The following PXDNL variants were observed in gnomAD, a reference collection of about 807,000 sequenced individuals.
PXDNL encodes peroxidasin like.
Under a neutral mutation model 150.8 loss-of-function variants are expected in PXDNL, and 145 were observed. The ratio of observed to expected loss-of-function variants is 0.96; its 90% CI spans 0.84 to 1.10. The LOEUF (loss-of-function observed/expected upper bound fraction) is 1.10, where lower values mean the gene tolerates loss of function less well. Among genes scored for constraint, PXDNL ranks in the 50% least tolerant of loss-of-function variants. The pLI is 0.00. For synonymous variants in PXDNL, 757 were observed against 725.7 expected (o/e 1.04, Z -0.69); for missense variants, 2,087 against 1,873.9 (o/e 1.11, Z -2.10).
chr8:51,548,642 G>T (rs1196269030), intron 4 of PXDNL, among the ~76,000 whole-genome samples: 1 of 152,040 alleles, frequency 6.6e-6, no homozygotes, highest in Non-Finnish European at 1.5e-5. Context: ...AATGCTGAGA[G>T]AATTCACCTC....
intron 4 of PXDNL, among the ~76,000 whole-genome samples, chr8:51,500,172 G>A (rs1475693886): frequency 1.3e-5 from 2 of 152,188 alleles, no homozygotes; most frequent in Non-Finnish European, 2.9e-5. Flanking sequence ...TTACATTTCA[G>A]AACAGGGAGA....
intron 1 of PXDNL, among the ~76,000 whole-genome samples, chr8:51,765,477 AACTG>A (rs1403638193): frequency 6.6e-6 from 1 of 152,172 alleles, no homozygotes; most frequent in Non-Finnish European, 1.5e-5. Flanking sequence ...GCAGCATGAA[AACTG>A]ACTAATACAA....
chr8:51,440,295 G>T (rs1477065984), intron 12 of PXDNL, among the ~76,000 whole-genome samples: 2 of 152,064 alleles, frequency 1.3e-5, no homozygotes, highest in Non-Finnish European at 2.9e-5. Flanking sequence ...TGGGAGGGTG[G>T]TGAGGGATGA....
At chr8:51,597,433 G>C (rs1330732118) in intron 2 of PXDNL, among the ~76,000 whole-genome samples, 1 of 152,064 alleles carries the variant, frequency 6.6e-6, no homozygotes, top group South Asian at 2.1e-4. Context: ...TTCCAATTCT[G>C]TGAAAAACTA....
intron 8 of PXDNL, among the ~76,000 whole-genome samples, chr8:51,470,739 A>C (rs1010813669): frequency 6.6e-6 from 1 of 152,198 alleles, no homozygotes; most frequent in Non-Finnish European, 1.5e-5. Context: ...TGGGAAAAGG[A>C]TTCTCTATTT....
intron 12 of PXDNL, among the ~76,000 whole-genome samples, chr8:51,427,767 C>A (rs561120171): frequency 6.6e-6 from 1 of 152,232 alleles, no homozygotes; most frequent in Non-Finnish European, 1.5e-5. Context: ...AGAACATATA[C>A]AAAAGCCCTA....
chr8:51,493,322 A>C (rs569293259), intron 5 of PXDNL, among the ~76,000 whole-genome samples: 79 of 127,140 alleles, frequency 6.2e-4, no homozygotes, highest in African/African-American at 3.1e-3. Context: ...TAAAACCACA[A>C]AGATGGGGAA....
At chr8:51,505,441 C>T (rs1811265043) in intron 4 of PXDNL, among the ~76,000 whole-genome samples, 1 of 152,162 alleles carries the variant, frequency 6.6e-6, no homozygotes, top group Non-Finnish European at 1.5e-5. Context: ...AAGGCAAGAG[C>T]AGAGATGGGG....
At chr8:51,761,515 C>T (rs372757319) in intron 1 of PXDNL, among the ~76,000 whole-genome samples, 277 of 152,136 alleles carry the variant, frequency 1.8e-3, no homozygotes, top group African/African-American at 6.0e-3. Context: ...TATGCCTCAC[C>T]GTATTTATGT....
At chr8:51,509,604 C>A (rs1375130910) in intron 4 of PXDNL, among the ~76,000 whole-genome samples, 2 of 151,892 alleles carry the variant, frequency 1.3e-5, no homozygotes, top group Non-Finnish European at 2.9e-5. Flanking sequence ...GACCACCAAG[C>A]CTTTGCTCAA....
intron 1 of PXDNL, among the ~76,000 whole-genome samples, chr8:51,719,461 T>A (rs931345312): frequency 6.6e-6 from 1 of 152,126 alleles, no homozygotes; most frequent in Non-Finnish European, 1.5e-5. Flanking sequence ...TTAAGAGTCA[T>A]CACCACTCCC....
chr8:51,685,328 A>G (rs1815850216), intron 1 of PXDNL, among the ~76,000 whole-genome samples: 1 of 152,180 alleles, frequency 6.6e-6, no homozygotes, highest in South Asian at 2.1e-4. Flanking sequence ...GGTCTGCCCC[A>G]CATAATACAG....
chr8:51,773,922 A>C (rs2037325724), intron 1 of PXDNL, among the ~76,000 whole-genome samples: 1 of 152,226 alleles, frequency 6.6e-6, no homozygotes, highest in Admixed American at 6.5e-5. Flanking sequence ...ATACTAGCTT[A>C]AACATTAGCA....
intron 1 of PXDNL, among the ~76,000 whole-genome samples, chr8:51,700,382 C>T (rs1023016386): frequency 8.6e-5 from 13 of 151,766 alleles, no homozygotes; most frequent in African/African-American, 3.1e-4. Context: ...TGTATAGACA[C>T]ATACACACAG....
intron 2 of PXDNL, among the ~76,000 whole-genome samples, chr8:51,630,183 G>A (rs1427854534): frequency 2.0e-5 from 3 of 152,108 alleles, no homozygotes; most frequent in African/African-American, 7.2e-5. Context: ...CAAGCAGTGG[G>A]AAATTACTTC....
At chr8:51,791,352 C>T (rs1026534123) in intron 1 of PXDNL, among the ~76,000 whole-genome samples, 5 of 152,216 alleles carry the variant, frequency 3.3e-5, no homozygotes, top group Admixed American at 1.3e-4. Context: ...ACTGTGTAGT[C>T]CAAATTGGCC....
At chr8:51,742,189 A>T (rs919714531) in intron 1 of PXDNL, among the ~76,000 whole-genome samples, 2 of 152,196 alleles carry the variant, frequency 1.3e-5, no homozygotes, top group Non-Finnish European at 2.9e-5. Flanking sequence ...TATTGAAATG[A>T]CATTATTAAA....
intron 12 of PXDNL, among the ~76,000 whole-genome samples, chr8:51,441,205 G>A (rs1809539995): frequency 6.6e-6 from 1 of 152,120 alleles, no homozygotes; most frequent in African/African-American, 2.4e-5. Context: ...GTGTGAAGAG[G>A]TGTCTTCTGC....
intron 1 of PXDNL, among the ~76,000 whole-genome samples, chr8:51,695,405 C>T (rs1816094440): frequency 6.6e-6 from 1 of 152,112 alleles, no homozygotes. Context: ...ATTAGGTTCC[C>T]ATCTTATCAT....
Sources: gnomAD v4.1 joint callset for allele counts (sites outside exome capture counted in the v4.1 genomes callset) on GRCh38, gnomAD v4.1.1 for gene constraint, MANE v1.5 for transcripts, NCBI Gene and HGNC (gene_info 2026-07-23, HGNC 2026-07-21) for gene names.